Variants in SLC2A13 observed in about 807,000 individuals in gnomAD.
SLC2A13 encodes solute carrier family 2 member 13, also known as proton myo-inositol cotransporter.
A neutral mutation model predicts 64.4 loss-of-function variants in SLC2A13; 32 were observed. The ratio of observed to expected loss-of-function variants is 0.50; its 90% CI spans 0.37 to 0.67. SLC2A13 has a LOEUF of 0.67. Among genes scored for constraint, SLC2A13 ranks in the 30% least tolerant of loss-of-function variants. The pLI, the probability that SLC2A13 is intolerant of heterozygous loss-of-function variation, is 0.00. For synonymous variants in SLC2A13, 338 were observed against 327.1 expected, an observed-to-expected ratio of 1.03 and a Z score of -0.36; for missense variants, 743 against 829.2, an observed-to-expected ratio of 0.90 and a Z score of 1.28.
At chr12:39,951,437 G>A in intron 3 of SLC2A13, 72 bp from the exon 4 acceptor site, 2 of 1,240,172 alleles carry the variant, frequency 1.6e-6, no homozygotes, top group Non-Finnish European at 2.2e-6. Flanking sequence ...TTCCCAATAG[G>A]ACAAATTTTC....
chr12:39,942,707 C>T (rs1946056154), intron 4 of SLC2A13, among the ~76,000 whole-genome samples: 1 of 152,122 alleles, frequency 6.6e-6, no homozygotes, highest in Non-Finnish European at 1.5e-5. Flanking sequence ...AGAACATGCT[C>T]CTTTAGCTCG....
chr12:39,809,245 G>A (rs2135801404), intron 7 of SLC2A13, among the ~76,000 whole-genome samples: 1 of 152,148 alleles, frequency 6.6e-6, no homozygotes, highest in South Asian at 2.1e-4. Flanking sequence ...ATCTATTTCT[G>A]GACTTTATTC....
At chr12:39,821,374 C>T (rs1229993930) in intron 7 of SLC2A13, among the ~76,000 whole-genome samples, 1 of 151,924 alleles carries the variant, frequency 6.6e-6, no homozygotes, top group Admixed American at 6.6e-5. Context: ...TGTGCCACTA[C>T]ACTCCAGCCT....
At position 40,105,834 on chromosome 12, in the gene SLC2A13, G is replaced by A. The variant is rs761080638; in HGVS notation, c.-26C>T. On this transcript the variant is annotated 5_prime_UTR_variant, in exon 1 of 10. Transcript: ENST00000280871. This position sits in a 1 kb window ranked among gnomAD's most constrained non-coding sequence, Gnocchi z 4.2. Reference sequence around the variant, plus strand: ...AGGGCAGGGGCCCGGGGCTGCCCGGGGGGACGCGGCTCCGCGGGCCGGCAG... The same window carrying A: ...AGGGCAGGGGCCCGGGGCTGCCCGGAGGGACGCGGCTCCGCGGGCCGGCAG... The A allele has an allele frequency of 4.3e-6, 6 of 1,393,116 alleles. No homozygotes were observed. Among genetic ancestry groups the A allele is most frequent in the South Asian group, 3.3e-5 (2 of 60,522 alleles). The allele number at this position is 1,393,116 out of a possible 1,614,324, so 86.3% of individuals were successfully genotyped here.
chr12:39,954,206 T>C (rs1946280357), intron 3 of SLC2A13, among the ~76,000 whole-genome samples: 1 of 152,104 alleles, frequency 6.6e-6, no homozygotes, highest in Admixed American at 6.6e-5. Context: ...GCTCAATATC[T>C]CAAAAAAGTT....
intron 7 of SLC2A13, among the ~76,000 whole-genome samples, chr12:39,779,267 T>G (rs2135738845): frequency 6.6e-6 from 1 of 152,324 alleles, no homozygotes; most frequent in South Asian, 2.1e-4. Flanking sequence ...TGCAGCATTC[T>G]CAAATGTCCT....
intron 6 of SLC2A13, among the ~76,000 whole-genome samples, chr12:39,834,342 C>T (rs1942946141): frequency 6.6e-6 from 1 of 152,034 alleles, no homozygotes; most frequent in South Asian, 2.1e-4. Context: ...TTTCTACATC[C>T]ATATCTGTCC....
At chr12:40,013,280 G>A (rs1371436569) in intron 3 of SLC2A13, among the ~76,000 whole-genome samples, 6 of 152,104 alleles carry the variant, frequency 3.9e-5, no homozygotes, top group African/African-American at 1.4e-4. Context: ...GCTCTTAAGA[G>A]CAGGGGATCT....
intron 4 of SLC2A13, chr12:39,950,372 G>A (rs1028123962): frequency 6.6e-6 from 1 of 152,142 alleles, no homozygotes; most frequent in Non-Finnish European, 1.5e-5. Context: ...CTTCTAAGAT[G>A]TGGCAGCTTT....
chr12:40,067,322 C>A (rs1937771112), intron 1 of SLC2A13, among the ~76,000 whole-genome samples: 1 of 152,024 alleles, frequency 6.6e-6, no homozygotes, highest in East Asian at 1.9e-4. Context: ...CCACCTCAGC[C>A]TCCTGAGTAG....
At position 39,950,962 on chromosome 12, in the gene SLC2A13, A is replaced by G. The variant is rs1199527356; in HGVS notation, c.1034+295T>C. ...TCCAACCAGCATCAAGAAATGGCTT[A>G]GAAAAAATGACACATTTAAGCTCAG... is the stretch of plus-strand genomic sequence containing the variant. On this transcript the variant is annotated intron_variant, in intron 4 of 9. Coordinates refer to ENST00000280871, the MANE Select transcript of SLC2A13 (RefSeq NM_052885.4). 3 of 375,134 alleles carry G rather than the reference A, an allele frequency of 8.0e-6. No homozygotes were observed. In the Admixed American group the frequency reaches 1.3e-4, roughly 17 times the overall value. 23.2% of individuals were successfully genotyped at this position (375,134 alleles called of 1,614,324 possible). A position where few individuals can be genotyped will look rare whatever the true frequency, so the allele number is the denominator to read the frequency against.
intron 4 of SLC2A13, among the ~76,000 whole-genome samples, chr12:39,912,976 A>G (rs1358545530): frequency 1.3e-5 from 2 of 152,160 alleles, no homozygotes; most frequent in Admixed American, 1.3e-4. Flanking sequence ...TTTGTCTTAT[A>G]AAGTATATCA....
chr12:40,086,350 T>A (rs904217237), intron 1 of SLC2A13, among the ~76,000 whole-genome samples: 1 of 151,968 alleles, frequency 6.6e-6, no homozygotes, highest in Non-Finnish European at 1.5e-5. Context: ...TATATACTCA[T>A]AAAAATAAAT....
At chr12:40,031,307 C>T (rs1443183444) in intron 2 of SLC2A13, among the ~76,000 whole-genome samples, 1 of 152,092 alleles carries the variant, frequency 6.6e-6, no homozygotes, top group Non-Finnish European at 1.5e-5. Flanking sequence ...ACTGCAACCT[C>T]CGCCTCCCGG....
chr12:39,768,620 C>T (rs898889508), intron 7 of SLC2A13, among the ~76,000 whole-genome samples: 23 of 152,036 alleles, frequency 1.5e-4, no homozygotes, highest in African/African-American at 5.6e-4. Flanking sequence ...AAGGAAACAG[C>T]TGGTTGGTGG....
intron 1 of SLC2A13, chr12:40,068,413 T>C (rs564011337): frequency 3.3e-5 from 9 of 275,196 alleles, no homozygotes; most frequent in Admixed American, 2.0e-4. Context: ...TAGTACTCTA[T>C]TGGGGATTTC....
intron 2 of SLC2A13, among the ~76,000 whole-genome samples, chr12:40,034,180 G>A (rs1023234135): frequency 3.3e-5 from 5 of 152,118 alleles, no homozygotes; most frequent in African/African-American, 1.2e-4. Flanking sequence ...TAGCCCTTGA[G>A]GAGCTGAATT....
At chr12:39,910,748 G>A (rs1945409887) in intron 4 of SLC2A13, among the ~76,000 whole-genome samples, 1 of 152,022 alleles carries the variant, frequency 6.6e-6, no homozygotes, top group South Asian at 2.1e-4. Context: ...TAATTAATTG[G>A]TTAGGCAAAG....
At chr12:40,061,169 C>T (rs1948414387) in intron 1 of SLC2A13, among the ~76,000 whole-genome samples, 1 of 151,232 alleles carries the variant, frequency 6.6e-6, no homozygotes, top group Non-Finnish European at 1.5e-5. Context: ...TTCAAAAAGG[C>T]AAAAAGGAGA....
Sources: allele counts gnomAD v4.1 joint callset (sites outside exome capture counted in the v4.1 genomes callset), GRCh38; gene constraint gnomAD v4.1.1; non-coding constraint Gnocchi (gnomAD v3.1); transcripts MANE v1.5; gene names NCBI Gene and HGNC (gene_info 2026-07-23, HGNC 2026-07-21).